Variants in RSU1 observed in about 807,000 individuals in gnomAD.
RSU1 encodes Ras suppressor protein 1, also known as rsu-1.
RSU1 carries 26 observed loss-of-function variants against 31.1 expected under a neutral mutation model. The ratio of observed to expected loss-of-function variants is 0.84; its 90% CI spans 0.61 to 1.16. The LOEUF (loss-of-function observed/expected upper bound fraction) is 1.16. RSU1 is among the 50% of genes most tolerant of loss of function. The pLI is 0.00. For synonymous variants in RSU1, 164 were observed against 136.3 expected (o/e 1.20, Z -1.41); for missense variants, 320 against 339.1 (o/e 0.94, Z 0.44).
chr10:16,606,284 TAAAATTA>T (rs1833802713), intron 8 of RSU1, among the ~76,000 whole-genome samples: 1 of 152,212 alleles, frequency 6.6e-6, no homozygotes, highest in Non-Finnish European at 1.5e-5. Flanking sequence ...AGAATTTGGT[TAAAATTA>T]ACATTATATA....
At chr10:16,773,183 C>G (rs1186518958) in intron 3 of RSU1, among the ~76,000 whole-genome samples, 2 of 150,560 alleles carry the variant, frequency 1.3e-5, no homozygotes, top group Non-Finnish European at 3.0e-5. Flanking sequence ...TGGGCAACAA[C>G]TTGAGACCCT....
chr10:16,804,878 A>C (rs1419016427), intron 2 of RSU1, among the ~76,000 whole-genome samples: 1 of 152,176 alleles, frequency 6.6e-6, no homozygotes, highest in African/African-American at 2.4e-5. Flanking sequence ...GAGCAGTGTA[A>C]CTGTTCCATG....
intron 8 of RSU1, among the ~76,000 whole-genome samples, chr10:16,602,242 C>T (rs950165011): frequency 6.6e-6 from 1 of 152,198 alleles, no homozygotes; most frequent in Admixed American, 6.5e-5. Context: ...CTTGATGATA[C>T]ATAAAGTGAC....
chr10:16,770,856 C>T (rs1158836990), intron 3 of RSU1, among the ~76,000 whole-genome samples: 1 of 151,302 alleles, frequency 6.6e-6, no homozygotes, highest in Admixed American at 6.6e-5. Flanking sequence ...AAAGTGCCAC[C>T]AATCCTTGGG....
intron 3 of RSU1, chr10:16,767,094 CA>C (rs1489644409): frequency 6.6e-6 from 1 of 152,140 alleles, no homozygotes; most frequent in Middle Eastern, 3.2e-3. Context: ...CTTCTCCCCC[CA>C]GATCATAAAG....
chr10:16,705,379 T>G (rs1180721307), intron 7 of RSU1, among the ~76,000 whole-genome samples: 1 of 152,208 alleles, frequency 6.6e-6, no homozygotes, highest in Non-Finnish European at 1.5e-5. Flanking sequence ...TTAAATAATC[T>G]CTACATTATT....
rs564327069 is a variant in RSU1 at position 16,696,173 on chromosome 10, C to A, written c.599-1018G>T. On this transcript the variant is annotated intron_variant, in intron 7 of 8. Transcript: ENST00000345264. ...GGAAATCAATTTTCACACTTCTCAT[C>A]CATGGCCTGGTACTGTTTGAACCTA... Among the ~76,000 whole-genome samples the A allele has an allele frequency of 6.6e-5, 10 of 152,298 alleles. No homozygotes were observed. The South Asian group carries it at 1.7e-3, about 25-fold the overall frequency.
intron 2 of RSU1, among the ~76,000 whole-genome samples, chr10:16,799,386 CAG>C (rs914220938): frequency 7.9e-5 from 12 of 152,274 alleles, no homozygotes; most frequent in African/African-American, 2.9e-4. Flanking sequence ...CAGGCAAACA[CAG>C]AGAATCACAG....
intron 7 of RSU1, among the ~76,000 whole-genome samples, chr10:16,722,722 G>A (rs1836291094): frequency 6.6e-6 from 1 of 151,904 alleles, no homozygotes; most frequent in South Asian, 2.1e-4. Context: ...CAAGCTATCT[G>A]TCTTAAGAGC....
chr10:16,724,291 C>A, intron 7 of RSU1, among the ~76,000 whole-genome samples: 1 of 152,150 alleles, frequency 6.6e-6, no homozygotes, highest in East Asian at 1.9e-4. Flanking sequence ...TGTATATTCT[C>A]CTTCCCTAAA....
chr10:16,676,866 G>C (rs1022539586), intron 8 of RSU1, among the ~76,000 whole-genome samples: 5 of 152,092 alleles, frequency 3.3e-5, no homozygotes, highest in Admixed American at 2.6e-4. Flanking sequence ...AGATAGATTT[G>C]TACTTGTTGT....
intron 8 of RSU1, among the ~76,000 whole-genome samples, chr10:16,643,715 A>G (rs1360187915): frequency 6.6e-6 from 1 of 152,178 alleles, no homozygotes; most frequent in East Asian, 1.9e-4. Context: ...GACTTGGAAC[A>G]TGGTTCTCCA....
intron 8 of RSU1, among the ~76,000 whole-genome samples, chr10:16,596,197 C>G (rs1833609557): frequency 6.6e-6 from 1 of 152,076 alleles, no homozygotes; most frequent in Non-Finnish European, 1.5e-5. Flanking sequence ...TACCTGTGTT[C>G]AAGTCCTGAA....
intron 2 of RSU1, among the ~76,000 whole-genome samples, chr10:16,814,569 G>C (rs1564367529): frequency 1.3e-5 from 2 of 151,958 alleles, no homozygotes; most frequent in Non-Finnish European, 1.5e-5. Flanking sequence ...CTGCTGAGAA[G>C]TGAGCCCTGG....
At chr10:16,606,551 G>A (rs73601009) in intron 8 of RSU1, among the ~76,000 whole-genome samples, 5,325 of 152,292 alleles carry the variant, frequency 0.035, 313 homozygotes, top group African/African-American at 0.12. Context: ...GGGCAGATGA[G>A]GGTCGTTCAT....
intron 7 of RSU1, among the ~76,000 whole-genome samples, chr10:16,702,904 C>G (rs765824255): frequency 5.3e-5 from 8 of 152,166 alleles, no homozygotes; most frequent in Non-Finnish European, 1.0e-4. Context: ...AGTCACAGAT[C>G]GAACTGCAAA....
intron 8 of RSU1, among the ~76,000 whole-genome samples, chr10:16,688,922 T>G (rs1835490593): frequency 6.6e-6 from 1 of 151,836 alleles, no homozygotes; most frequent in African/African-American, 2.4e-5. Flanking sequence ...GCAGGGGGAT[T>G]GCTTGAGCCC....
chr10:16,787,992 C>T (rs534747546), intron 2 of RSU1, among the ~76,000 whole-genome samples: 26 of 152,254 alleles, frequency 1.7e-4, no homozygotes, highest in African/African-American at 5.1e-4. Context: ...AGATTTTATA[C>T]GCTGCAGAAA....
chr10:16,743,626 C>T (rs1169697633), intron 7 of RSU1, among the ~76,000 whole-genome samples: 1 of 152,164 alleles, frequency 6.6e-6, no homozygotes, highest in Non-Finnish European at 1.5e-5. Context: ...ACTTACTGCT[C>T]TATCTATTAA....
Sources: gnomAD v4.1 joint callset for allele counts (sites outside exome capture counted in the v4.1 genomes callset) on GRCh38, gnomAD v4.1.1 for gene constraint, MANE v1.5 for transcripts, NCBI Gene and HGNC (gene_info 2026-07-23, HGNC 2026-07-21) for gene names.